ARK2N: variants seen among roughly 807,000 people sequenced by gnomAD.
The protein encoded by ARK2N is protein ARK2N.
At chr18:46,233,208 A>G in the ARK2N span, among the ~76,000 whole-genome samples, 1 of 152,158 alleles carries the variant, frequency 6.6e-6, no homozygotes, top group African/African-American at 2.4e-5. Context: ...AAATTGATGG[A>G]TATTTGGAAA....
chr18:46,250,248 T>C, the ARK2N span, among the ~76,000 whole-genome samples: 1 of 152,044 alleles, frequency 6.6e-6, no homozygotes, highest in Non-Finnish European at 1.5e-5. Flanking sequence ...TTAGTCTGTC[T>C]CTGCTTGCAA....
chr18:46,207,942 A>G, the ARK2N span, among the ~76,000 whole-genome samples: 1 of 152,122 alleles, frequency 6.6e-6, no homozygotes, highest in Non-Finnish European at 1.5e-5. Context: ...TGATCATTAG[A>G]ATGATTTCCT....
chr18:46,255,374 G>A, the ARK2N span, among the ~76,000 whole-genome samples: 1 of 150,944 alleles, frequency 6.6e-6, no homozygotes, highest in South Asian at 2.1e-4. Context: ...CTGTAAGTAT[G>A]CCTGTACGGC....
At chr18:46,241,693 C>T in the ARK2N span, among the ~76,000 whole-genome samples, 1 of 151,766 alleles carries the variant, frequency 6.6e-6, no homozygotes, top group African/African-American at 2.4e-5. Context: ...CCACTGCACT[C>T]CAGCCTGGGT....
the ARK2N span, among the ~76,000 whole-genome samples, chr18:46,261,712 C>G: frequency 6.6e-6 from 1 of 152,290 alleles, no homozygotes; most frequent in African/African-American, 2.4e-5. Flanking sequence ...TGACGGGCTT[C>G]TGGTACTGTA....
chr18:46,243,100 A>T, the ARK2N span, among the ~76,000 whole-genome samples: 46 of 152,172 alleles, frequency 3.0e-4, no homozygotes, highest in East Asian at 1.9e-3. Flanking sequence ...TTTTTTCTTA[A>T]ATCTGACAAT....
the ARK2N span, among the ~76,000 whole-genome samples, chr18:46,207,118 C>G: frequency 6.6e-6 from 1 of 152,088 alleles, no homozygotes; most frequent in African/African-American, 2.4e-5. Flanking sequence ...ATCCTTCTGA[C>G]GCTACTCAGT....
At chr18:46,179,243 C>T in the ARK2N span, among the ~76,000 whole-genome samples, 1 of 152,056 alleles carries the variant, frequency 6.6e-6, no homozygotes, top group African/African-American at 2.4e-5. Flanking sequence ...GAGCCCAGCC[C>T]AGTGAATATA....
the ARK2N span, among the ~76,000 whole-genome samples, chr18:46,244,238 G>A: frequency 2.0e-5 from 3 of 152,248 alleles, no homozygotes; most frequent in East Asian, 5.8e-4. Context: ...AACAAATGTA[G>A]TTGGGGCAAG....
At chr18:46,205,342 C>G in the ARK2N span, among the ~76,000 whole-genome samples, 2 of 152,132 alleles carry the variant, frequency 1.3e-5, no homozygotes. Flanking sequence ...TGATTTTATG[C>G]ATTGCTATGT....
At chr18:46,187,179 G>A in the ARK2N span, among the ~76,000 whole-genome samples, 2 of 149,754 alleles carry the variant, frequency 1.3e-5, no homozygotes, top group East Asian at 2.1e-4. Context: ...TTAAAAAGAC[G>A]GCTGAGACAG....
the ARK2N span, chr18:46,216,772 C>T: frequency 3.4e-6 from 2 of 589,204 alleles, no homozygotes; most frequent in Admixed American, 6.3e-5. The surrounding 1 kb of genome is among the most constrained non-coding windows in gnomAD (Gnocchi z 4.3). Flanking sequence ...CTGAGGTTTC[C>T]AGTGAACTTT....
At chr18:46,251,918 G>T in the ARK2N span, among the ~76,000 whole-genome samples, 1 of 152,148 alleles carries the variant, frequency 6.6e-6, no homozygotes, top group Non-Finnish European at 1.5e-5. Flanking sequence ...TTGGCCAGGT[G>T]CGGTGGCTTA....
chr18:46,194,010 T>G, the ARK2N span, among the ~76,000 whole-genome samples: 2 of 152,154 alleles, frequency 1.3e-5, no homozygotes, highest in Non-Finnish European at 2.9e-5. Context: ...CTTGTTTGTT[T>G]CTTTCTTTTT....
chr18:46,266,914 C>T, the ARK2N span: 1 of 150,670 alleles, frequency 6.6e-6, no homozygotes, highest in Non-Finnish European at 1.5e-5. Flanking sequence ...ATAAGATTTT[C>T]TGTTTTTTGA....
the ARK2N span, among the ~76,000 whole-genome samples, chr18:46,262,223 T>C: frequency 3.9e-5 from 6 of 152,212 alleles, no homozygotes; most frequent in African/African-American, 1.4e-4. Flanking sequence ...TCTGAAACAA[T>C]TTTATTTCAG....
the ARK2N span, among the ~76,000 whole-genome samples, chr18:46,255,830 C>T: frequency 0.73 from 111,385 of 151,696 alleles, 41,011 homozygotes; most frequent in Middle Eastern, 0.77. Context: ...CCTTTACTCT[C>T]TGTTTTCTGC....
At chr18:46,206,371 C>A in the ARK2N span, among the ~76,000 whole-genome samples, 1 of 152,106 alleles carries the variant, frequency 6.6e-6, no homozygotes, top group Non-Finnish European at 1.5e-5. Context: ...TAGGGGTGAG[C>A]CACTGCTTGG....
chr18:46,227,595 A>AT, the ARK2N span, among the ~76,000 whole-genome samples: 743 of 148,456 alleles, frequency 5.0e-3, 8 homozygotes, highest in African/African-American at 0.016. Context: ...AGGTCTCTGC[A>AT]TTTTTTTTTT....
Sources: allele counts gnomAD v4.1 joint callset (sites outside exome capture counted in the v4.1 genomes callset), GRCh38; gene constraint gnomAD v4.1.1; non-coding constraint Gnocchi (gnomAD v3.1); transcripts MANE v1.5; gene names NCBI Gene and HGNC (gene_info 2026-07-23, HGNC 2026-07-21).